The following PCDHGA3 variants were observed in gnomAD, a reference collection of about 807,000 sequenced individuals.
PCDHGA3 encodes protocadherin gamma subfamily A, 3, also known as protocadherin gamma-A3.
A neutral mutation model predicts 58.5 loss-of-function variants in PCDHGA3; 40 were observed. The ratio of observed to expected loss-of-function variants is 0.68; its 90% confidence interval spans 0.53 to 0.89. The LOEUF (loss-of-function observed/expected upper bound fraction) is 0.89. PCDHGA3 is among the 40% of genes least tolerant of loss of function. The probability of loss-of-function intolerance (pLI) is 0.00; values close to 1 mark genes in which losing one functional copy is unlikely to be tolerated. For synonymous variants in PCDHGA3, 530 were observed against 525.7 expected (o/e 1.01, Z -0.11); for missense variants, 1,223 against 1,195.9 (o/e 1.02, Z -0.33).
chr5:141,419,794 T>G, intron 1 of PCDHGA3: 1 of 1,614,048 alleles, frequency 6.2e-7, no homozygotes, highest in Non-Finnish European at 8.5e-7. Flanking sequence ...TGCTAGTCGC[T>G]GTAAGAGATG....
At chr5:141,373,976 G>A in intron 1 of PCDHGA3, 3 of 1,066,504 alleles carry the variant, frequency 2.8e-6, no homozygotes, top group South Asian at 2.6e-5. Context: ...CTTCGCATCC[G>A]GTCTCTGCTT....
rs749014540 is a variant in PCDHGA3, at chr5:141,360,217, G to A, written c.2424+13760G>A. ...CTTCCTGTTGTCTTTGTTCCCCGGG[G>A]CTCTCCCAGTCCAGATCCGCTATTC... On this transcript the variant is annotated intron_variant, in intron 1 of 3. Transcript: ENST00000253812. 3 of 1,613,398 alleles carry A rather than the reference G, an allele frequency of 1.9e-6. No individual in the cohort carries two copies. In the South Asian group the frequency reaches 3.3e-5, roughly 18 times the overall value.
chr5:141,483,814 C>A (rs1262593892), intron 1 of PCDHGA3, among the ~76,000 whole-genome samples: 4 of 151,994 alleles, frequency 2.6e-5, no homozygotes, highest in African/African-American at 9.7e-5. Flanking sequence ...TTTTTGGCAG[C>A]CAGTGTAACC....
intron 1 of PCDHGA3, among the ~76,000 whole-genome samples, chr5:141,436,424 T>C (rs2154557109): frequency 6.6e-6 from 1 of 152,322 alleles, no homozygotes; most frequent in Middle Eastern, 3.4e-3. Context: ...AAACAAATAA[T>C]GTACTCTGGG....
chr5:141,487,475 C>T lies in PCDHGA3; in HGVS notation c.2425-7332C>T, dbSNP rs781308835. On this transcript the variant is annotated intron_variant, in intron 1 of 3. Coordinates refer to ENST00000253812, the MANE Select transcript of PCDHGA3 (RefSeq NM_018916.4). The surrounding 1 kb of genome is among the most constrained non-coding windows in gnomAD (Gnocchi z 5.0). ...TATCAAGTTTGTTGATGTGGGAGGC[C>T]ACTCTCATGGCTGTACACCCTTGGC... 1.2e-6 allele frequency: 2 copies of T among 1,614,156 alleles called. No homozygotes were observed. Among genetic ancestry groups the T allele is most frequent in the South Asian group, 1.1e-5 (1 of 91,080 alleles).
At chr5:141,422,762 C>T in intron 1 of PCDHGA3, 1 of 1,613,392 alleles carries the variant, frequency 6.2e-7, no homozygotes. Flanking sequence ...AACTCCAACA[C>T]TGGTGTTCTC....
intron 1 of PCDHGA3, chr5:141,355,329 A>T: frequency 6.2e-7 from 1 of 1,614,020 alleles, no homozygotes; most frequent in Non-Finnish European, 8.5e-7. Context: ...AAGAAGGCTC[A>T]GTGGTGGGCA....
At chr5:141,392,746 G>T in intron 1 of PCDHGA3, 1 of 1,443,974 alleles carries the variant, frequency 6.9e-7, no homozygotes, top group South Asian at 1.5e-5. Flanking sequence ...CATAGCTGCG[G>T]CAAGAAACTA....
chr5:141,404,875 C>T, intron 1 of PCDHGA3: 1 of 1,613,904 alleles, frequency 6.2e-7, no homozygotes, highest in Non-Finnish European at 8.5e-7. Flanking sequence ...TCAAACAGAG[C>T]CTTGTGGTGG....
rs1373988780 is a variant in PCDHGA3, at chr5:141,404,040, G to A, written c.2424+57583G>A. 1.9e-5 allele frequency: 30 copies of A among 1,613,694 alleles called. No homozygotes were observed. The highest frequency in any genetic ancestry group is 2.3e-5 in the Non-Finnish European group (27 of 1,179,836). On this transcript the variant is annotated intron_variant, in intron 1 of 3. Transcript: ENST00000253812. Reference sequence around the variant, plus strand: ...CCAGTGAGAGAAGACGCACCTCAGGGAACAGTAATTCTTCTTTTCAATGCT... The same window carrying A: ...CCAGTGAGAGAAGACGCACCTCAGGAAACAGTAATTCTTCTTTTCAATGCT...
intron 1 of PCDHGA3, chr5:141,372,709 C>A (rs751651788): frequency 6.2e-7 from 1 of 1,613,966 alleles, no homozygotes; most frequent in South Asian, 1.1e-5. Flanking sequence ...AATATAAAGG[C>A]TGAAAATGCT....
chr5:141,423,940 G>A (rs937456850), intron 1 of PCDHGA3: 1 of 1,217,098 alleles, frequency 8.2e-7, no homozygotes, highest in Non-Finnish European at 1.0e-6. Flanking sequence ...TTTGAAGTAA[G>A]TTGAATTTTA....
At chr5:141,500,256 T>C (rs1045685908) in intron 2 of PCDHGA3, among the ~76,000 whole-genome samples, 1 of 151,676 alleles carries the variant, frequency 6.6e-6, no homozygotes, top group Non-Finnish European at 1.5e-5. Flanking sequence ...TCACCCAGGC[T>C]GGACTGCAGT....
Position 141,477,426 on chromosome 5 carries a change from T to G in PCDHGA3, c.2425-17381T>G. 1 of 1,614,100 alleles carries G rather than the reference T, an allele frequency of 6.2e-7. No individual in the cohort carries two copies. Among genetic ancestry groups the G allele is most frequent in the East Asian group, 2.2e-5 (1 of 44,874 alleles). The stretch of plus-strand genomic sequence containing the variant: ...GCCCGAGACGCCGGAACCCCTTCCC[T>G]CTCAGCCCTTACAATAGTGCGTGTT... On this transcript the variant is annotated intron_variant, in intron 1 of 3. Coordinates refer to ENST00000253812, the MANE Select transcript of PCDHGA3 (RefSeq NM_018916.4). The surrounding 1 kb of genome is among the most constrained non-coding windows in gnomAD (Gnocchi z 4.9).
intron 1 of PCDHGA3, among the ~76,000 whole-genome samples, chr5:141,492,593 A>T (rs907659087): frequency 1.3e-5 from 2 of 152,100 alleles, no homozygotes; most frequent in African/African-American, 4.8e-5. Context: ...GGAGCGCTGG[A>T]GCGACTGCCG....
At chr5:141,424,717 T>G (rs914445969) in intron 1 of PCDHGA3, 1 of 152,202 alleles carries the variant, frequency 6.6e-6, no homozygotes, top group Non-Finnish European at 1.5e-5. Context: ...TCAGTGTAGT[T>G]GGGAGTCATA....
intron 1 of PCDHGA3, chr5:141,417,644 A>G (rs2096142506): frequency 3.9e-6 from 3 of 779,086 alleles, no homozygotes; most frequent in Non-Finnish European, 5.8e-6. Context: ...GGGATCCCTC[A>G]GCCTCTAGCC....
intron 1 of PCDHGA3, chr5:141,370,955 T>C (rs780139792): frequency 7.4e-6 from 12 of 1,613,996 alleles, no homozygotes; most frequent in South Asian, 4.4e-5. Flanking sequence ...AGAACCTGGA[T>C]GGCAGTAGGT....
At chr5:141,385,619 T>C (rs1478717188) in intron 1 of PCDHGA3, 1 of 1,064,028 alleles carries the variant, frequency 9.4e-7, no homozygotes, top group Non-Finnish European at 1.2e-6. Flanking sequence ...ATTTTATACA[T>C]TGGAATGAAT....
Sources: allele counts gnomAD v4.1 joint callset (sites outside exome capture counted in the v4.1 genomes callset), GRCh38; gene constraint gnomAD v4.1.1; non-coding constraint Gnocchi (gnomAD v3.1); transcripts MANE v1.5; gene names NCBI Gene and HGNC (gene_info 2026-07-23, HGNC 2026-07-21).